The following IL21R variants were observed in gnomAD, a reference collection of about 807,000 sequenced individuals.
IL21R encodes the protein interleukin 21 receptor.
A neutral mutation model predicts 41.3 loss-of-function variants in IL21R; 14 were observed. That is an observed-to-expected ratio of 0.34 (90% confidence interval 0.22 to 0.53). The LOEUF is 0.53. Among genes scored for constraint, IL21R ranks in the 20% least tolerant of loss-of-function variants. The pLI, the probability that IL21R is intolerant of heterozygous loss-of-function variation, is 0.94. For synonymous variants in IL21R, 286 were observed against 287.6 expected (o/e 0.99, Z 0.05); for missense variants, 588 against 681.6 (o/e 0.86, Z 1.53).
Position 27,450,623 on chromosome 16 carries a change from C to T in IL21R, c.*1340C>T, listed in dbSNP as rs538050302. The T allele has an allele frequency of 2.6e-4, 57 of 215,662 alleles. 1 individual carries two copies. The highest frequency in any genetic ancestry group is 2.9e-3 in the Middle Eastern group (2 of 694). 13.4% of individuals were successfully genotyped at this position (215,662 alleles called of 1,614,324 possible). On this transcript the variant is annotated 3_prime_UTR_variant, in exon 9 of 9. Transcript: ENST00000337929. ...TTTTGAGACAGAGTCTCACTCTCGTCGCCCAGGCTGGAATGCAGTGGTGCG... is the reference window on the plus strand; with the variant it reads ...TTTTGAGACAGAGTCTCACTCTCGTTGCCCAGGCTGGAATGCAGTGGTGCG...
chr16:27,440,248 T>TATATATATATATATATATATATAG (rs1352160946), intron 4 of IL21R, among the ~76,000 whole-genome samples: 5 of 64,034 alleles, frequency 7.8e-5, no homozygotes, highest in African/African-American at 1.8e-4. Context: ...TATATATATA[T>TATATATATATATATATATATATAG]AGAGAGAGAG....
chr16:27,440,287 A>AGAGAGC (rs1479585420), intron 4 of IL21R, among the ~76,000 whole-genome samples: 81 of 102,656 alleles, frequency 7.9e-4, no homozygotes, highest in South Asian at 3.6e-3. Flanking sequence ...AGAGCGAGCA[A>AGAGAGC]GCGCGCGCCA....
At chr16:27,403,117 C>T (rs946865327) in intron 1 of IL21R, 68 of 741,898 alleles carry the variant, frequency 9.2e-5, no homozygotes, top group Middle Eastern at 2.5e-4. Flanking sequence ...AGTGATTTTC[C>T]CTCGGTGACT....
At chr16:27,437,883 C>T (rs577860891) in intron 4 of IL21R, among the ~76,000 whole-genome samples, 196 bp downstream of exon 4, 81 of 152,248 alleles carry the variant, frequency 5.3e-4, no homozygotes, top group African/African-American at 1.8e-3. Flanking sequence ...AGGCCAGTCT[C>T]GAACTCCTGG....
In IL21R at chr16:27,444,690, A is replaced by C. The variant is rs967182934; in HGVS notation, c.656A>C (p.Asp219Ala). ...CAGGGGACCTGGAGTGAATGGAGTG[A>C]CCCGGTCATCTTTCAGACCCAGTCA... Reference protein sequence around the residue: ...SYQGTWSEWSDPVIFQTQSEE... With the variant: ...SYQGTWSEWSAPVIFQTQSEE... The change falls in exon 6 of 9, where the codon GAC becomes GCC. Residue 219 changes from aspartate (D) to alanine (A), a missense_variant. Physicochemically the swap from Asp to Ala is moderately radical, Grantham distance 126. Coordinates refer to ENST00000337929, the MANE Select transcript of IL21R (RefSeq NM_181078.3). The C allele has an allele frequency of 1.3e-5, 20 of 1,527,880 alleles. No homozygotes were observed. Among genetic ancestry groups the C allele is most frequent in the Non-Finnish European group, 1.8e-5 (20 of 1,137,988 alleles). 94.6% of individuals were successfully genotyped at this position (1,527,880 alleles called of 1,614,324 possible).
At chr16:27,411,999 G>T (rs1287115161) in intron 1 of IL21R, among the ~76,000 whole-genome samples, 1 of 152,134 alleles carries the variant, frequency 6.6e-6, no homozygotes, top group Non-Finnish European at 1.5e-5. Flanking sequence ...TCACACACAA[G>T]AAATCATTGC....
intron 7 of IL21R, 41 bp from the exon 8 acceptor site, chr16:27,445,966 T>G (rs2087468387): frequency 6.5e-7 from 1 of 1,529,912 alleles, no homozygotes; most frequent in East Asian, 2.3e-5. Context: ...CAGGCTGCCC[T>G]CTGGTGATGT....
rs553143177 is a variant in IL21R at position 27,442,238 on chromosome 16, G to A, written c.353-724G>A. On this transcript the variant is annotated intron_variant, in intron 4 of 8. Transcript: ENST00000337929. ...TGTGTGGGCATGCATGTGTGTGGGTGTGCATGTGCACATGTGTTTGTGTAT... is the reference window on the plus strand; with the variant it reads ...TGTGTGGGCATGCATGTGTGTGGGTATGCATGTGCACATGTGTTTGTGTAT... Among the ~76,000 whole-genome samples the A allele has an allele frequency of 3.9e-4, 29 of 75,314 alleles. No homozygotes were observed. The South Asian group carries it at 0.011, about 29-fold the overall frequency. The allele number at this position is 75,314 out of a possible 152,430, so 49.4% of individuals were successfully genotyped here.
intron 8 of IL21R, 54 bp from the exon 9 acceptor site, chr16:27,448,480 A>G: frequency 6.6e-7 from 1 of 1,505,392 alleles, no homozygotes; most frequent in Non-Finnish European, 8.9e-7. Context: ...AGAAAAATAA[A>G]CCCTCACCTT....
At chr16:27,447,101 T>A (rs538930939) in intron 8 of IL21R, among the ~76,000 whole-genome samples, 1 of 152,270 alleles carries the variant, frequency 6.6e-6, no homozygotes, top group South Asian at 2.1e-4. Context: ...AGGGCACCCA[T>A]GAGGAGGCCA....
intron 8 of IL21R, among the ~76,000 whole-genome samples, chr16:27,446,664 A>G (rs1379445019): frequency 6.6e-6 from 1 of 152,064 alleles, no homozygotes; most frequent in Non-Finnish European, 1.5e-5. Flanking sequence ...CCAGACTGGG[A>G]TAGGGGGTGA....
At chr16:27,441,546 T>C (rs1257154377) in intron 4 of IL21R, among the ~76,000 whole-genome samples, 1 of 152,192 alleles carries the variant, frequency 6.6e-6, no homozygotes, top group East Asian at 1.9e-4. Flanking sequence ...AGGCAGGCTC[T>C]GTGTAAATGG....
At position 27,450,073 on chromosome 16, in the gene IL21R, C is replaced by T. The variant is rs1281105412; in HGVS notation, c.*790C>T. On this transcript the variant is annotated 3_prime_UTR_variant, in exon 9 of 9. Transcript: ENST00000337929. ...ACCCTCAATAAACGTCAGCTTCCTT[C>T]CTTCTGCGGCCAGAGCCGAGGCGGG... The T allele has an allele frequency of 8.6e-6, 2 of 232,564 alleles. No individual in the cohort carries two copies. The highest frequency in any genetic ancestry group is 2.2e-5 in the African/African-American group (1 of 45,286). The allele number at this position is 232,564 out of a possible 1,614,324, so 14.4% of individuals were successfully genotyped here.
intron 1 of IL21R, among the ~76,000 whole-genome samples, chr16:27,417,906 C>T (rs958015565): frequency 1.3e-5 from 2 of 152,212 alleles, no homozygotes; most frequent in Admixed American, 1.3e-4. Flanking sequence ...TTGCTGTACA[C>T]TCCTGTAAAC....
chr16:27,406,764 GC>G (rs1567354128), intron 1 of IL21R, among the ~76,000 whole-genome samples: 2 of 151,740 alleles, frequency 1.3e-5, no homozygotes, highest in Non-Finnish European at 2.9e-5. Context: ...CTCACACTCC[GC>G]ATCCAGGCTA....
At chr16:27,427,158 C>A in intron 1 of IL21R, 1 of 247,452 alleles carries the variant, frequency 4.0e-6, no homozygotes, top group Non-Finnish European at 6.4e-6. Context: ...ATCCCTGATG[C>A]AATCACTGTG....
At chr16:27,419,074 G>C (rs1323323949) in intron 1 of IL21R, among the ~76,000 whole-genome samples, 2 of 152,018 alleles carry the variant, frequency 1.3e-5, no homozygotes, top group East Asian at 3.9e-4. Flanking sequence ...AATTGGCCAA[G>C]CATGGTGGCG....
rs539515086 is a variant in IL21R, at chr16:27,442,237, T to C, written c.353-725T>C. On this transcript the variant is annotated intron_variant, in intron 4 of 8. Coordinates refer to ENST00000337929, the MANE Select transcript of IL21R (RefSeq NM_181078.3). The stretch of plus-strand genomic sequence containing the variant: ...ATGTGTGGGCATGCATGTGTGTGGG[T>C]GTGCATGTGCACATGTGTTTGTGTA... Among the ~76,000 whole-genome samples, 18 of 75,202 alleles carry C rather than the reference T, an allele frequency of 2.4e-4. No individual in the cohort carries two copies. The South Asian group carries it at 0.011, about 46-fold the overall frequency. 49.3% of individuals were successfully genotyped at this position (75,202 alleles called of 152,430 possible). A position where few individuals can be genotyped will look rare whatever the true frequency, so the allele number is the denominator to read the frequency against.
At chr16:27,424,356 G>A (rs1345229195) in intron 1 of IL21R, among the ~76,000 whole-genome samples, 1 of 152,178 alleles carries the variant, frequency 6.6e-6, no homozygotes, top group Admixed American at 6.5e-5. Flanking sequence ...TTACAGGCAT[G>A]AGCCACCACG....
Sources: gnomAD v4.1 joint callset for allele counts (sites outside exome capture counted in the v4.1 genomes callset) on GRCh38, gnomAD v4.1.1 for gene constraint, MANE v1.5 for transcripts, NCBI Gene and HGNC (gene_info 2026-07-23, HGNC 2026-07-21) for gene names.